SCEL: variants seen among roughly 807,000 people sequenced by gnomAD.
The protein encoded by SCEL is sciellin.
Under a neutral mutation model 117.6 loss-of-function variants are expected in SCEL, and 113 were observed. The ratio of observed to expected loss-of-function variants is 0.96; its 90% CI spans 0.83 to 1.12. The LOEUF is 1.12. Ranked by LOEUF, SCEL falls within the 50% of genes most tolerant of loss-of-function variation. The pLI is 0.00. For missense variants in SCEL, 785 were observed against 810.8 expected (o/e 0.97, Z 0.39); for synonymous variants, 270 against 256.2 (o/e 1.05, Z -0.51).
At chr13:77,565,864 G>T (rs1448938206) in intron 5 of SCEL, among the ~76,000 whole-genome samples, 1 of 152,208 alleles carries the variant, frequency 6.6e-6, no homozygotes, top group Non-Finnish European at 1.5e-5. Context: ...AGGCCCTCTA[G>T]TGCTCCATTG....
At chr13:77,576,788 T>G (rs1399909305) in intron 9 of SCEL, among the ~76,000 whole-genome samples, 1 of 152,214 alleles carries the variant, frequency 6.6e-6, no homozygotes, top group African/African-American at 2.4e-5. Flanking sequence ...GTTTTTCCAA[T>G]TTTTTGTGTC....
chr13:77,624,732 A>G (rs933950888), intron 27 of SCEL, among the ~76,000 whole-genome samples: 1 of 152,322 alleles, frequency 6.6e-6, no homozygotes, highest in South Asian at 2.1e-4. Flanking sequence ...TGAAATGTCC[A>G]TAACTGGCTT....
At chr13:77,630,722 A>C (rs181325394) in intron 28 of SCEL, among the ~76,000 whole-genome samples, 2 of 152,300 alleles carry the variant, frequency 1.3e-5, no homozygotes, top group Non-Finnish European at 2.9e-5. Flanking sequence ...TCAAGTGTAA[A>C]TCCATTTGGA....
At chr13:77,585,617 A>T (rs978038050) in intron 9 of SCEL, among the ~76,000 whole-genome samples, 2 of 152,082 alleles carry the variant, frequency 1.3e-5, no homozygotes, top group Non-Finnish European at 2.9e-5. Context: ...CGGCCTCACC[A>T]CCACTCTGCT....
rs778173244 is a variant in SCEL, at chr13:77,602,646, T to C, written c.978-8T>C. 1 of 1,613,388 alleles carries C rather than the reference T, an allele frequency of 6.2e-7. No individual in the cohort carries two copies. The highest frequency in any genetic ancestry group is 8.5e-7 in the Non-Finnish European group (1 of 1,179,468). On this transcript the variant is annotated splice_region_variant and splice_polypyrimidine_tract_variant and intron_variant, in intron 16 of 32. Transcript: ENST00000349847. ...CCTAACTGACAAGTTTTGGTGTTTT[T>C]TCCAAAGAAGACAAAATCTCGAATC...
At chr13:77,621,000 A>G (rs1399042196) in intron 27 of SCEL, among the ~76,000 whole-genome samples, 1 of 152,076 alleles carries the variant, frequency 6.6e-6, no homozygotes, top group Non-Finnish European at 1.5e-5. Flanking sequence ...ATTCCCCATA[A>G]TCAATCAATC....
At chr13:77,624,393 C>T (rs1035923467) in intron 27 of SCEL, among the ~76,000 whole-genome samples, 2 of 152,196 alleles carry the variant, frequency 1.3e-5, no homozygotes, top group South Asian at 4.2e-4. Flanking sequence ...CGTGAACCAC[C>T]GCGCCCAGCC....
chr13:77,595,983 T>C (rs1197710123), intron 12 of SCEL, among the ~76,000 whole-genome samples: 1 of 151,072 alleles, frequency 6.6e-6, no homozygotes, highest in East Asian at 1.9e-4. Flanking sequence ...CATCTCTCTC[T>C]AAAGGCTAAG....
At chr13:77,590,221 T>C (rs1031679435) in intron 10 of SCEL, among the ~76,000 whole-genome samples, 1 of 152,088 alleles carries the variant, frequency 6.6e-6, no homozygotes, top group Non-Finnish European at 1.5e-5. Context: ...CAGGACCATG[T>C]AGCAATAGGT....
intron 16 of SCEL, 89 bp from the exon 17 acceptor site, chr13:77,602,565 C>A: frequency 9.1e-7 from 1 of 1,098,886 alleles, no homozygotes; most frequent in Non-Finnish European, 1.4e-6. Context: ...AAACACCTGA[C>A]ACCACATTCA....
chr13:77,574,332 A>G (rs2085811798), intron 9 of SCEL, among the ~76,000 whole-genome samples: 1 of 152,208 alleles, frequency 6.6e-6, no homozygotes, highest in South Asian at 2.1e-4. Flanking sequence ...ATGAGTTACA[A>G]TGTTCCTATT....
At chr13:77,569,907 C>T (rs565321646) in intron 8 of SCEL, among the ~76,000 whole-genome samples, 45 of 152,256 alleles carry the variant, frequency 3.0e-4, no homozygotes, top group Non-Finnish European at 4.7e-4. Context: ...CCTCCTCCAC[C>T]GACCTCCTCT....
chr13:77,624,175 A>ACTGAC (rs2089595624), intron 27 of SCEL, among the ~76,000 whole-genome samples: 1 of 142,092 alleles, frequency 7.0e-6, no homozygotes, highest in African/African-American at 2.7e-5. Flanking sequence ...TGGGATCTCG[A>ACTGAC]CTGACTGCAG....
chr13:77,558,140 T>G (rs971845218), intron 3 of SCEL, among the ~76,000 whole-genome samples: 5 of 152,188 alleles, frequency 3.3e-5, no homozygotes, highest in Non-Finnish European at 7.3e-5. Flanking sequence ...TTGCCAATAT[T>G]TACACAGACG....
chr13:77,637,769 C>T (rs1248163874), intron 30 of SCEL, among the ~76,000 whole-genome samples: 1 of 152,152 alleles, frequency 6.6e-6, no homozygotes, highest in Non-Finnish European at 1.5e-5. Context: ...TACAAACAGC[C>T]ATGCAGATGT....
chr13:77,642,853 T>C, intron 32 of SCEL, 45 bp downstream of exon 32: 1 of 1,017,306 alleles, frequency 9.8e-7, no homozygotes, highest in Non-Finnish European at 1.5e-6. Context: ...TTAACCTTAA[T>C]GAGCATTTGG....
intron 14 of SCEL, 33 bp from the exon 15 acceptor site, chr13:77,599,656 C>T: frequency 6.7e-7 from 1 of 1,495,312 alleles, no homozygotes; most frequent in Non-Finnish European, 9.3e-7. Context: ...TTTCAGTATG[C>T]AGCCTTTTAT....
intron 6 of SCEL, 80 bp downstream of exon 6, chr13:77,567,828 A>G: frequency 1.2e-6 from 1 of 820,248 alleles, no homozygotes; most frequent in Non-Finnish European, 2.0e-6. Context: ...CAATTCTTCA[A>G]TCCTACTTGA....
At chr13:77,548,231 A>G (rs934320393) in intron 1 of SCEL, among the ~76,000 whole-genome samples, 1 of 152,262 alleles carries the variant, frequency 6.6e-6, no homozygotes, top group South Asian at 2.1e-4. Flanking sequence ...CAGAGGCAGA[A>G]GCAGAGACTT....
Sources: allele counts gnomAD v4.1 joint callset (sites outside exome capture counted in the v4.1 genomes callset), GRCh38; gene constraint gnomAD v4.1.1; transcripts MANE v1.5; gene names NCBI Gene and HGNC (gene_info 2026-07-23, HGNC 2026-07-21).